TDRD15: variants seen among roughly 807,000 people sequenced by gnomAD.
TDRD15 encodes the protein tudor domain-containing protein 15.
For synonymous variants in TDRD15, 503 were observed against 314.5 expected (o/e 1.60, Z -6.34); for missense variants, 1,416 against 904.7 (o/e 1.57, Z -7.25).
Position 21,143,318 on chromosome 2 carries a change from C to A in TDRD15, c.*46C>A. 3 of 506,570 alleles carry A rather than the reference C, an allele frequency of 5.9e-6. No individual in the cohort carries two copies. In the South Asian group the frequency reaches 1.1e-4, roughly 18 times the overall value. 31.4% of individuals were successfully genotyped at this position (506,570 alleles called of 1,614,324 possible). A position where few individuals can be genotyped will look rare whatever the true frequency, so the allele number is the denominator to read the frequency against. ...TCCCATTGTTAGATCAAAATTGTTA[C>A]AAAAAACAAAATATAAATTTTACAT... On this transcript the variant is annotated 3_prime_UTR_variant, in exon 4 of 4. Transcript: ENST00000405799.
rs867606403 is a variant in TDRD15, at chr2:21,143,075, C to T, written c.5608C>T (p.Arg1870Ter). The change falls in exon 4 of 4, where the codon CGA (arginine) becomes TGA (stop). Residue 1870 changes from arginine (R) to a stop codon, truncating the protein, a stop_gained. Coordinates refer to ENST00000405799, the MANE Select transcript of TDRD15 (RefSeq NM_001306137.2). LOFTEE classifies it low-confidence loss of function (END_TRUNC). ...GAGTGAAGAAGCCAAAATCTTTTTTCGAGATTTCCTAAGTAAACCAGACTT... is the reference window on the plus strand; with the variant it reads ...GAGTGAAGAAGCCAAAATCTTTTTTTGAGATTTCCTAAGTAAACCAGACTT... ...HWSEEAKIFF[R>*]DFLSKPDLVF... The T allele has an allele frequency of 5.8e-6, 4 of 688,496 alleles. No individual in the cohort carries two copies. Among genetic ancestry groups the T allele is most frequent in the Non-Finnish European group, 1.1e-5 (4 of 375,206 alleles). The allele number at this position is 688,496 out of a possible 1,614,324, so 42.6% of individuals were successfully genotyped here. A position where few individuals can be genotyped will look rare whatever the true frequency, so the allele number is the denominator to read the frequency against.
At chr2:21,128,482 C>A (rs1257023157) in intron 2 of TDRD15, among the ~76,000 whole-genome samples, 1 of 151,958 alleles carries the variant, frequency 6.6e-6, no homozygotes, top group Non-Finnish European at 1.5e-5. Flanking sequence ...GCCACCACGC[C>A]TGGCTAATTT....
At chr2:21,132,665 A>G (rs1665741518) in intron 2 of TDRD15, among the ~76,000 whole-genome samples, 1 of 152,142 alleles carries the variant, frequency 6.6e-6, no homozygotes, top group Non-Finnish European at 1.5e-5. Flanking sequence ...TTTTTTGCCT[A>G]TAGTTAACAA....
intron 2 of TDRD15, among the ~76,000 whole-genome samples, chr2:21,134,099 T>G (rs577702060): frequency 1.3e-5 from 2 of 151,940 alleles, no homozygotes; most frequent in African/African-American, 4.8e-5. Flanking sequence ...TTATAGAAGA[T>G]AAACTCCAAT....
intron 2 of TDRD15, among the ~76,000 whole-genome samples, chr2:21,132,460 A>T (rs1665737594): frequency 6.6e-6 from 1 of 152,076 alleles, no homozygotes; most frequent in South Asian, 2.1e-4. Flanking sequence ...TGACAGGGGA[A>T]GATAGTTTAG....
chr2:21,138,897 A>C lies in TDRD15; in HGVS notation c.1430A>C (p.Gln477Pro), dbSNP rs967313911. 4 of 715,766 alleles carry C rather than the reference A, an allele frequency of 5.6e-6. No homozygotes were observed. The highest frequency in any genetic ancestry group is 1.0e-5 in the Non-Finnish European group (4 of 384,122). The allele number at this position is 715,766 out of a possible 1,614,324, so 44.3% of individuals were successfully genotyped here. A position where few individuals can be genotyped will look rare whatever the true frequency, so the allele number is the denominator to read the frequency against. Residue 477 changes from glutamine (Q) to proline (P), a missense_variant, in exon 4 of 4, where the codon CAA becomes CCA. Gln to Pro is a moderately conservative substitution (Grantham distance 76). Transcript: ENST00000405799. ...LKVGFPIKTVQMEIEAAYIAF... is the reference protein window; with the variant it reads ...LKVGFPIKTVPMEIEAAYIAF... ...GTAGGTTTTCCCATTAAAACAGTAC[A>C]AATGGAGATAGAGGCTGCCTACATA...
downstream of TDRD15, among the ~76,000 whole-genome samples, chr2:21,144,635 A>G (rs1009259117): frequency 2.0e-5 from 3 of 151,826 alleles, no homozygotes; most frequent in Non-Finnish European, 2.9e-5. Flanking sequence ...CAAGAGTCTT[A>G]TATGTATTAT....
chr2:21,131,086 T>C (rs1245492547), intron 2 of TDRD15, among the ~76,000 whole-genome samples: 1 of 152,184 alleles, frequency 6.6e-6, no homozygotes, highest in Non-Finnish European at 1.5e-5. Flanking sequence ...CTCCTCACTT[T>C]AAGGAAAACA....
chr2:21,140,749 C>A lies in TDRD15; in HGVS notation c.3282C>A (p.Ile1094=). The A allele has an allele frequency of 2.8e-6, 2 of 714,106 alleles. No homozygotes were observed. The highest frequency in any genetic ancestry group is 1.5e-5 in the South Asian group (1 of 67,158). 44.2% of individuals were successfully genotyped at this position (714,106 alleles called of 1,614,324 possible). A position where few individuals can be genotyped will look rare whatever the true frequency, so the allele number is the denominator to read the frequency against. The stretch of plus-strand genomic sequence containing the variant: ...GGGATGTAGATATTCCAGCAGAAAT[C>A]AGTAGTTGGTTTAAAGACAATTTCT... The part of the protein sequence containing the change: ...DLRDVDIPAE[I]SSWFKDNFLG... Residue 1094 remains isoleucine (I), a synonymous_variant, in exon 4 of 4, where the codon ATC becomes ATA. Coordinates refer to ENST00000405799, the MANE Select transcript of TDRD15 (RefSeq NM_001306137.2).
chr2:21,130,486 G>A (rs762380009), intron 2 of TDRD15, among the ~76,000 whole-genome samples: 14 of 152,070 alleles, frequency 9.2e-5, no homozygotes, highest in Admixed American at 2.6e-4. Context: ...GATTTCTATG[G>A]GGTTATATCC....
chr2:21,141,239 GTTGTATCACAGTCTT>G lies in TDRD15; in HGVS notation c.3775_3789del (p.Val1259_Phe1263del), dbSNP rs1487494104. ...GCGTGTGGGCCAAAAATCAGTAAAG[GTTGTATCACAGTCTT>G]TTATCAGAGCATTAAATCAAACAAC... On this transcript the variant is annotated inframe_deletion, in exon 4 of 4. Transcript: ENST00000405799. 4.2e-6 allele frequency: 3 copies of G among 713,016 alleles called. No homozygotes were observed. The highest frequency in any genetic ancestry group is 3.0e-5 in the South Asian group (2 of 66,810). The allele number at this position is 713,016 out of a possible 1,614,324, so 44.2% of individuals were successfully genotyped here.
In TDRD15 at chr2:21,139,051, T is replaced by A. The variant is rs1665867813; in HGVS notation, c.1584T>A (p.Ile528=). The A allele has an allele frequency of 1.4e-6, 1 of 714,994 alleles. No homozygotes were observed. Among genetic ancestry groups the A allele is most frequent in the African/African-American group, 1.8e-5 (1 of 57,068 alleles). 44.3% of individuals were successfully genotyped at this position (714,994 alleles called of 1,614,324 possible). A position where few individuals can be genotyped will look rare whatever the true frequency, so the allele number is the denominator to read the frequency against. The change falls in exon 4 of 4, where the codon ATT becomes ATA. Residue 528 remains isoleucine (I), a synonymous_variant. Coordinates refer to ENST00000405799, the MANE Select transcript of TDRD15 (RefSeq NM_001306137.2). ...FYDLCENDEM[I]LRKPEPGLFC... is the part of the protein sequence containing the mutation. ...ATTTGTGTGAAAACGATGAAATGAT[T>A]CTAAGAAAACCTGAACCTGGATTAT...
chr2:21,131,089 G>A (rs1665710518), intron 2 of TDRD15, among the ~76,000 whole-genome samples: 1 of 152,094 alleles, frequency 6.6e-6, no homozygotes, highest in African/African-American at 2.4e-5. Flanking sequence ...CTCACTTTAA[G>A]GAAAACAACT....
At position 21,142,709 on chromosome 2, in the gene TDRD15, T is replaced by G. The variant is rs1356844112; in HGVS notation, c.5242T>G (p.Phe1748Val). ...IATAVSDPSD[F>V]SIQLEDFFDI... ...AACTGCTGTTTCTGATCCATCAGAC[T>G]TCAGTATTCAGTTAGAAGATTTCTT... Residue 1748 changes from phenylalanine to valine, a missense_variant, in exon 4 of 4, where the codon TTC (phenylalanine) becomes GTC (valine). Physicochemically the swap from Phe to Val is conservative, Grantham distance 50 (BLOSUM62 -1). Coordinates refer to ENST00000405799, the MANE Select transcript of TDRD15 (RefSeq NM_001306137.2). 1.4e-6 allele frequency: 1 copy of G among 711,808 alleles called. No individual in the cohort carries two copies. The highest frequency in any genetic ancestry group is 1.8e-5 in the African/African-American group (1 of 56,900). The allele number at this position is 711,808 out of a possible 1,614,324, so 44.1% of individuals were successfully genotyped here. A position where few individuals can be genotyped will look rare whatever the true frequency, so the allele number is the denominator to read the frequency against.
At chr2:21,128,423 C>T (rs756354083) in intron 2 of TDRD15, among the ~76,000 whole-genome samples, 4 of 151,322 alleles carry the variant, frequency 2.6e-5, no homozygotes, top group Non-Finnish European at 5.9e-5. Context: ...CCCGGGTTCA[C>T]GCCATTCTCC....
At position 21,142,897 on chromosome 2, in the gene TDRD15, A is replaced by C. The variant is rs1259082110; in HGVS notation, c.5430A>C (p.Leu1810Phe). ...TTTCTGAAGTCTCACCTCAGTCTTT[A>C]TGTCTTGTGTTGGTTGACTATGGAT... is the stretch of plus-strand genomic sequence containing the variant. ...VEISEVSPQS[L>F]CLVLVDYGFS... The change falls in exon 4 of 4, where the codon TTA becomes TTC. Residue 1810 changes from leucine to phenylalanine, a missense_variant. Leu to Phe is a conservative substitution (Grantham distance 22, BLOSUM62 0). Transcript: ENST00000405799. 1.4e-6 allele frequency: 1 copy of C among 704,522 alleles called. No homozygotes were observed. The highest frequency in any genetic ancestry group is 2.6e-6 in the Non-Finnish European group (1 of 380,656). The allele number at this position is 704,522 out of a possible 1,614,324, so 43.6% of individuals were successfully genotyped here. A position where few individuals can be genotyped will look rare whatever the true frequency, so the allele number is the denominator to read the frequency against.
Position 21,128,244 on chromosome 2 carries a change from A to G in TDRD15, c.-90+533A>G, listed in dbSNP as rs532924625. 6.5e-4 allele frequency among the ~76,000 whole-genome samples: 98 copies of G among 151,572 alleles called. 2 individuals carry two copies. In the South Asian group the frequency reaches 0.02, roughly 31 times the overall value. ...TTCCCCCATACTAGTGATATGGAAC[A>G]TATTTTTATGTTAAGGATGCTTTTT... On this transcript the variant is annotated intron_variant, in intron 2 of 3. Coordinates refer to ENST00000405799, the MANE Select transcript of TDRD15 (RefSeq NM_001306137.2).
At chr2:21,146,995 A>C (rs1666040159), downstream of TDRD15, among the ~76,000 whole-genome samples, 1 of 152,108 alleles carries the variant, frequency 6.6e-6, no homozygotes, top group Admixed American at 6.6e-5. Context: ...CTTCTTGTGT[A>C]AAATGGAGAT....
At chr2:21,126,764 GC>G (rs1350120503) in intron 1 of TDRD15, among the ~76,000 whole-genome samples, 1 of 152,166 alleles carries the variant, frequency 6.6e-6, no homozygotes, top group East Asian at 1.9e-4. Flanking sequence ...AAGTAAACTT[GC>G]TGTGAACAGT....
Sources: allele counts gnomAD v4.1 joint callset (sites outside exome capture counted in the v4.1 genomes callset), GRCh38; gene constraint gnomAD v4.1.1; transcripts MANE v1.5; gene names NCBI Gene and HGNC (gene_info 2026-07-23, HGNC 2026-07-21).